The following TTLL12 variants were observed in gnomAD, a reference collection of about 807,000 sequenced individuals.
TTLL12 encodes tubulin--tyrosine ligase-like protein 12.
A neutral mutation model predicts 79.6 loss-of-function variants in TTLL12; 77 were observed. That is an observed-to-expected ratio of 0.97 (90% CI 0.81 to 1.17). TTLL12 has a LOEUF of 1.17. Ranked by LOEUF, TTLL12 falls within the 50% of genes most tolerant of loss-of-function variation. TTLL12 has a pLI of 0.00. For synonymous variants in TTLL12, 437 were observed against 376.1 expected, an observed-to-expected ratio of 1.16 and a Z score of -1.87; for missense variants, 969 against 895.9, an observed-to-expected ratio of 1.08 and a Z score of -1.04.
rs141712485 is a variant in TTLL12, at chr22:43,183,000, G to A, written c.327C>T (p.Leu109=). ...YKVIVTRESG[L]QAAHPNSIFL... ...CCTACCTGTTGGGGTGGGCTGCCTG[G>A]AGCCCGCTCTCCCTGGTCACGATGA... The change falls in exon 2 of 14, where the codon CTC becomes CTT. Residue 109 remains leucine (L), a synonymous_variant. Coordinates refer to ENST00000216129, the MANE Select transcript of TTLL12 (RefSeq NM_015140.4). 0.012 allele frequency: 18,995 copies of A among 1,613,700 alleles called. 159 individuals are homozygous for A. The highest frequency in any genetic ancestry group is 0.037 in the Middle Eastern group (224 of 6,060).
intron 9 of TTLL12, 52 bp from the exon 10 acceptor site, chr22:43,172,606 G>A: frequency 1.9e-6 from 3 of 1,609,510 alleles, no homozygotes; most frequent in Non-Finnish European, 2.5e-6. Context: ...GCCCCCTGGG[G>A]CTCCCGAGCA....
In TTLL12 at chr22:43,185,283, A is replaced by C. The variant is rs1323526533; in HGVS notation, c.177+1610T>G. ...TATATATATATATATATATATATAT[A>C]TATATATATATATATATGTATGTAT... is the stretch of plus-strand genomic sequence containing the variant. On this transcript the variant is annotated intron_variant, in intron 1 of 13. Coordinates refer to ENST00000216129, the MANE Select transcript of TTLL12 (RefSeq NM_015140.4). 1.6e-3 allele frequency among the ~76,000 whole-genome samples: 76 copies of C among 47,000 alleles called. 22 individuals carry two copies. Among genetic ancestry groups the C allele is most frequent in the Non-Finnish European group, 3.3e-3 (56 of 17,004 alleles). The allele number at this position is 47,000 out of a possible 152,430, so 30.8% of individuals were successfully genotyped here.
chr22:43,183,937 C>T (rs775886809), intron 1 of TTLL12, among the ~76,000 whole-genome samples: 1 of 152,256 alleles, frequency 6.6e-6, no homozygotes, highest in Admixed American at 6.5e-5. Flanking sequence ...CTATCCCATG[C>T]GTGTTTCCTC....
At chr22:43,185,212 A>G (rs1401635627) in intron 1 of TTLL12, among the ~76,000 whole-genome samples, 1 of 147,474 alleles carries the variant, frequency 6.8e-6, no homozygotes, top group Non-Finnish European at 1.5e-5. Flanking sequence ...TGTGTGACAG[A>G]GCAAGACTCC....
At chr22:43,175,680 ATTTT>A (rs139462602) in intron 6 of TTLL12, 6 of 150,460 alleles carry the variant, frequency 4.0e-5, no homozygotes, top group Non-Finnish European at 8.9e-5. Context: ...AATTTATTTT[ATTTT>A]TTTTTAAGGA....
chr22:43,186,918 C>A lies in TTLL12; in HGVS notation c.152G>T (p.Arg51Leu). 7.4e-7 allele frequency: 1 copy of A among 1,356,344 alleles called. No homozygotes were observed. The allele number at this position is 1,356,344 out of a possible 1,614,324, so 84.0% of individuals were successfully genotyped here. A position where few individuals can be genotyped will look rare whatever the true frequency, so the allele number is the denominator to read the frequency against. The change falls in exon 1 of 14, where the codon CGC becomes CTC. Residue 51 changes from arginine to leucine, a missense_variant. Transcript: ENST00000216129. ...CTCGTGCTCCAGCTTGTGCAGGAGG[C>A]GGCCCCAGTAACGTTCGGGGACCCC... is the stretch of plus-strand genomic sequence containing the variant. ...ASGVPERYWG[R>L]LLHKLEHEVF...
rs777234765 is a variant in TTLL12, at chr22:43,174,262, G to A, written c.1176C>T (p.Asn392=). 5.0e-6 allele frequency: 8 copies of A among 1,609,922 alleles called. No homozygotes were observed. In the South Asian group the frequency reaches 8.8e-5, roughly 18 times the overall value. ...EGPPWLPRTF[N]LRTELPQFVS... ...CAAACTGGGGCAGCTCAGTGCGCAG[G>A]TTGAAGGTTCGGGGCAGCCAGGGTG... Residue 392 remains asparagine, a synonymous_variant, in exon 8 of 14, where the codon AAC becomes AAT. Coordinates refer to ENST00000216129, the MANE Select transcript of TTLL12 (RefSeq NM_015140.4).
chr22:43,167,263 G>A lies in TTLL12; in HGVS notation c.*745C>T, dbSNP rs1601764312. 2.0e-6 allele frequency: 1 copy of A among 510,080 alleles called. No individual in the cohort carries two copies. Among genetic ancestry groups the A allele is most frequent in the East Asian group, 5.6e-5 (1 of 17,782 alleles). 31.6% of individuals were successfully genotyped at this position (510,080 alleles called of 1,614,324 possible). ...AGGGCGGGACCCCGTGGAGTGCCCG[G>A]CGAGCAGGGCAACCACTGGGAAGAC... On this transcript the variant is annotated 3_prime_UTR_variant, in exon 14 of 14. Transcript: ENST00000216129.
intron 1 of TTLL12, among the ~76,000 whole-genome samples, chr22:43,183,509 G>A (rs530334884): frequency 6.6e-6 from 1 of 152,220 alleles, no homozygotes; most frequent in African/African-American, 2.4e-5. Context: ...AAGGCAGAGA[G>A]GGTGGCTCCA....
Position 43,186,915 on chromosome 22 carries a change from A to G in TTLL12, c.155T>C (p.Leu52Pro), listed in dbSNP as rs1429620461. 2.2e-6 allele frequency: 3 copies of G among 1,352,092 alleles called. No homozygotes were observed. The highest frequency in any genetic ancestry group is 1.6e-5 in the South Asian group (1 of 61,100). 83.8% of individuals were successfully genotyped at this position (1,352,092 alleles called of 1,614,324 possible). A position where few individuals can be genotyped will look rare whatever the true frequency, so the allele number is the denominator to read the frequency against. ...CACCTCGTGCTCCAGCTTGTGCAGG[A>G]GGCGGCCCCAGTAACGTTCGGGGAC... Reference protein sequence around the residue: ...SGVPERYWGRLLHKLEHEVFD... With the variant: ...SGVPERYWGRPLHKLEHEVFD... Residue 52 changes from leucine (L) to proline (P), a missense_variant, in exon 1 of 14, where the codon CTC becomes CCC. Physicochemically the swap from Leu to Pro is moderately conservative, Grantham distance 98. Coordinates refer to ENST00000216129, the MANE Select transcript of TTLL12 (RefSeq NM_015140.4).
rs753074049 is a variant in TTLL12, at chr22:43,167,522, G to C, written c.*486C>G. 4.9e-6 allele frequency: 1 copy of C among 203,320 alleles called. No homozygotes were observed. The highest frequency in any genetic ancestry group is 1.0e-5 in the Non-Finnish European group (1 of 98,184). 12.6% of individuals were successfully genotyped at this position (203,320 alleles called of 1,614,324 possible). A position where few individuals can be genotyped will look rare whatever the true frequency, so the allele number is the denominator to read the frequency against. On this transcript the variant is annotated 3_prime_UTR_variant, in exon 14 of 14. Transcript: ENST00000216129. ...GGGGCCCCACAGCCGTCCCGGGGTC[G>C]TCCTGATGCATAAGAGCAGAGACCC...
intron 11 of TTLL12, 129 bp from the exon 12 acceptor site, chr22:43,169,697 C>G (rs2071727): frequency 1.1e-6 from 1 of 905,406 alleles, no homozygotes; most frequent in Admixed American, 2.0e-5. Context: ...CAGCCAACCC[C>G]GAACCCTCAG....
chr22:43,168,979 C>A, intron 12 of TTLL12, 67 bp from the exon 13 acceptor site: 1 of 1,519,350 alleles, frequency 6.6e-7, no homozygotes, highest in Non-Finnish European at 8.8e-7. Context: ...GGTCTGCTGC[C>A]CCTGCCCAAG....
rs1932201781 is a variant in TTLL12, at chr22:43,186,989, G to A, written c.81C>T (p.Ala27=). The change falls in exon 1 of 14, where the codon GCC becomes GCT. Residue 27 remains alanine, a synonymous_variant. Transcript: ENST00000216129. Reference sequence around the variant, plus strand: ...CGTGCAGCGCCGCGAACTCGGCCAAGGCCTGCGCGCCCTCCTCCGGCGTCT... The same window carrying A: ...CGTGCAGCGCCGCGAACTCGGCCAAAGCCTGCGCGCCCTCCTCCGGCGTCT... ...PGQTPEEGAQ[A]LAEFAALHGP... 1.6e-6 allele frequency: 2 copies of A among 1,286,966 alleles called. No homozygotes were observed. The highest frequency in any genetic ancestry group is 2.2e-5 in the South Asian group (1 of 45,828). 79.7% of individuals were successfully genotyped at this position (1,286,966 alleles called of 1,614,324 possible).
At position 43,187,045 on chromosome 22, in the gene TTLL12, G is replaced by T. The variant is rs146647114; in HGVS notation, c.25C>A (p.Arg9Ser). 3.3e-6 allele frequency: 4 copies of T among 1,195,296 alleles called. No homozygotes were observed. The East Asian group carries it at 1.1e-4, about 32-fold the overall frequency. The allele number at this position is 1,195,296 out of a possible 1,614,324, so 74.0% of individuals were successfully genotyped here. ...GGGCTGCTACGCTCCGCAGGCCGGC[G>T]CTCGGGACCCCGCTCGGCCTCCATG... is the stretch of plus-strand genomic sequence containing the variant. Reference protein sequence around the residue: MEAERGPERRPAERSSPGQ... With the variant: MEAERGPESRPAERSSPGQ... Residue 9 changes from arginine (R) to serine (S), a missense_variant, in exon 1 of 14, where the codon CGC (arginine) becomes AGC (serine). Physicochemically the swap from Arg to Ser is moderately radical, Grantham distance 110. Transcript: ENST00000216129.
rs1483343206 is a variant in TTLL12, at chr22:43,187,116, C to CCCGCCGT, written c.-54_-48dup. The CCCGCCGT allele has an allele frequency of 2.9e-6, 3 of 1,028,386 alleles. No homozygotes were observed. The African/African-American group carries it at 5.3e-5, about 18-fold the overall frequency. The allele number at this position is 1,028,386 out of a possible 1,614,324, so 63.7% of individuals were successfully genotyped here. A position where few individuals can be genotyped will look rare whatever the true frequency, so the allele number is the denominator to read the frequency against. On this transcript the variant is annotated 5_prime_UTR_variant, in exon 1 of 14. Coordinates refer to ENST00000216129, the MANE Select transcript of TTLL12 (RefSeq NM_015140.4). ...TCCAGCGCCGCCACCGCCGCCGCCG[C>CCCGCCGT]CCGCCGTCCGTCGGCCCTGCCCTCC...
In TTLL12 at chr22:43,178,952, AGAG is replaced by A. The variant is rs149754800; in HGVS notation, c.840+664_840+666del. On this transcript the variant is annotated intron_variant, in intron 5 of 13. Coordinates refer to ENST00000216129, the MANE Select transcript of TTLL12 (RefSeq NM_015140.4). ...GCCTACGGAAGCAGCAGCAGATGGG[AGAG>A]GAGGGGAAGGAGGAGAGATGGGTCA... is the stretch of plus-strand genomic sequence containing the variant. 1.5e-3 allele frequency among the ~76,000 whole-genome samples: 225 copies of A among 152,220 alleles called. 2 individuals carry two copies. Among genetic ancestry groups the A allele is most frequent in the Admixed American group, 3.3e-3 (51 of 15,304 alleles).
intron 5 of TTLL12, among the ~76,000 whole-genome samples, chr22:43,177,727 C>A (rs896865184): frequency 6.6e-6 from 1 of 152,240 alleles, no homozygotes; most frequent in African/African-American, 2.4e-5. Flanking sequence ...GGGTCCACAG[C>A]CCGACGGGCG....
At position 43,174,223 on chromosome 22, in the gene TTLL12, C is replaced by G. The variant is rs753665839; in HGVS notation, c.1215G>C (p.Gln405His). The G allele has an allele frequency of 2.9e-5, 47 of 1,603,708 alleles. No homozygotes were observed. The highest frequency in any genetic ancestry group is 3.6e-5 in the Non-Finnish European group (42 of 1,179,836). Residue 405 changes from glutamine (Q) to histidine (H), a missense_variant, in exon 8 of 14, where the codon CAG becomes CAC. Transcript: ENST00000216129. The part of the protein sequence containing the change: ...TELPQFVSYF[Q>H]QRERWGEDNH... ...CTGGGACTTACCACCTTTCCCGCTG[C>G]TGGAAGTAGCTGACAAACTGGGGCA...
Sources: gnomAD v4.1 joint callset for allele counts (sites outside exome capture counted in the v4.1 genomes callset) on GRCh38, gnomAD v4.1.1 for gene constraint, MANE v1.5 for transcripts, NCBI Gene and HGNC (gene_info 2026-07-23, HGNC 2026-07-21) for gene names.